Variants in IL1RAPL1 observed in about 807,000 individuals in gnomAD.
IL1RAPL1 encodes interleukin-1 receptor accessory protein-like 1.
In IL1RAPL1, 3 loss-of-function variants were observed where a neutral mutation model predicts 48.4. The ratio of observed to expected loss-of-function variants is 0.06; its 90% confidence interval spans 0.03 to 0.16. IL1RAPL1 has a LOEUF of 0.16. IL1RAPL1 is among the 10% of genes least tolerant of loss of function. The pLI, the probability that IL1RAPL1 is intolerant of heterozygous loss-of-function variation, is 1.00. For missense variants in IL1RAPL1, 349 were observed against 530.6 expected (o/e 0.66, Z 3.36); for synonymous variants, 185 against 187.7 (o/e 0.99, Z 0.12).
chrX:29,254,012 T>C (rs899260481), intron 2 of IL1RAPL1, among the ~76,000 whole-genome samples: 14 of 111,305 alleles, frequency 1.3e-4, no homozygotes, highest in African/African-American at 4.6e-4. Context: ...AAAAGGTAAA[T>C]CAGTAAGTGG....
At chrX:28,812,661 A>G (rs954855407) in intron 2 of IL1RAPL1, among the ~76,000 whole-genome samples, 13 of 111,640 alleles carry the variant, frequency 1.2e-4, no homozygotes, top group African/African-American at 4.2e-4. Flanking sequence ...TTTAATATAT[A>G]TAAATGAATG....
At chrX:29,554,480 CTT>C (rs766036938) in intron 5 of IL1RAPL1, among the ~76,000 whole-genome samples, 1 of 111,110 alleles carries the variant, frequency 9.0e-6, no homozygotes, top group East Asian at 2.8e-4. Context: ...TTTTTTCAAA[CTT>C]TGTAATTTTC....
intron 3 of IL1RAPL1, among the ~76,000 whole-genome samples, chrX:29,320,661 A>T (rs1364185876): frequency 1.8e-5 from 2 of 109,617 alleles, no homozygotes; most frequent in African/African-American, 6.6e-5. Flanking sequence ...CCTCAAAAAA[A>T]TTACTGAGGC....
intron 5 of IL1RAPL1, among the ~76,000 whole-genome samples, chrX:29,618,684 A>G (rs994743509): frequency 1.8e-5 from 2 of 111,488 alleles, no homozygotes; most frequent in Non-Finnish European, 3.8e-5. Context: ...GCCCACCTAT[A>G]TAATCCAGGA....
rs1374305112 is a variant in IL1RAPL1 at position 29,905,807 on chromosome X, GAAGA to G, written c.779-11655_779-11652del. ...TATAGTCGTGACTCCCACACAGATG[GAAGA>G]ATGAATACATGTTAAAAAATTTTTT... is the stretch of plus-strand genomic sequence containing the variant. On this transcript the variant is annotated intron_variant, in intron 6 of 10. Transcript: ENST00000378993. 2.7e-5 allele frequency among the ~76,000 whole-genome samples: 3 copies of G among 111,429 alleles called. No individual in the cohort carries two copies. In the Admixed American group the frequency reaches 2.9e-4, roughly 11 times the overall value.
At chrX:29,222,530 A>C (rs1931002549) in intron 2 of IL1RAPL1, among the ~76,000 whole-genome samples, 1 of 111,939 alleles carries the variant, frequency 8.9e-6, no homozygotes, top group Non-Finnish European at 1.9e-5. Context: ...TGCACTTAGG[A>C]GTTGTTCAGA....
intron 2 of IL1RAPL1, among the ~76,000 whole-genome samples, chrX:29,024,494 C>G (rs780175686): frequency 8.9e-5 from 10 of 111,799 alleles, no homozygotes; most frequent in African/African-American, 3.2e-4. Context: ...CTTAACCACT[C>G]TGTGCCTCAG....
At chrX:29,108,889 T>A (rs1238289097) in intron 2 of IL1RAPL1, among the ~76,000 whole-genome samples, 1 of 111,207 alleles carries the variant, frequency 9.0e-6, no homozygotes, top group East Asian at 2.8e-4. Flanking sequence ...CAATGAAGAT[T>A]CATGAAAAAA....
chrX:29,922,186 G>T (rs1020813550), intron 8 of IL1RAPL1, among the ~76,000 whole-genome samples: 1 of 110,519 alleles, frequency 9.0e-6, no homozygotes, highest in Admixed American at 9.6e-5. Context: ...CCAAGAAGGG[G>T]TCAAAAAACC....
chrX:29,095,881 T>C (rs1312521597), intron 2 of IL1RAPL1, among the ~76,000 whole-genome samples: 1 of 110,728 alleles, frequency 9.0e-6, no homozygotes, highest in East Asian at 2.8e-4. Context: ...GCTTTGTTTT[T>C]AATGGCAATA....
chrX:29,535,171 C>A (rs1243079296), intron 5 of IL1RAPL1, among the ~76,000 whole-genome samples: 1 of 103,683 alleles, frequency 9.6e-6, no homozygotes, highest in Non-Finnish European at 1.9e-5. Context: ...AATTAACTCC[C>A]TTTATTCCTA....
chrX:29,157,659 C>T (rs559447181), intron 2 of IL1RAPL1, among the ~76,000 whole-genome samples: 1 of 106,492 alleles, frequency 9.4e-6, no homozygotes, highest in Admixed American at 1.0e-4. Context: ...TGATCTGAAT[C>T]CTAAATACTC....
chrX:29,693,314 G>A (rs1601781911), intron 6 of IL1RAPL1, among the ~76,000 whole-genome samples: 1 of 112,155 alleles, frequency 8.9e-6, no homozygotes, highest in Admixed American at 9.4e-5. Context: ...AGCTTTTTCA[G>A]GCTTCTAAGT....
chrX:29,199,918 C>A (rs1930521195), intron 2 of IL1RAPL1, among the ~76,000 whole-genome samples: 1 of 111,771 alleles, frequency 8.9e-6, no homozygotes. Context: ...TGATAAAATT[C>A]ACTTATTTAA....
intron 1 of IL1RAPL1, among the ~76,000 whole-genome samples, chrX:28,598,673 G>A (rs1933984183): frequency 9.7e-6 from 1 of 103,623 alleles, no homozygotes; most frequent in Non-Finnish European, 2.0e-5. Flanking sequence ...TTTTTGCCCA[G>A]GCTGGAGTGC....
intron 8 of IL1RAPL1, among the ~76,000 whole-genome samples, chrX:29,936,223 G>A (rs894638102): frequency 9.0e-6 from 1 of 110,758 alleles, no homozygotes; most frequent in Non-Finnish European, 1.9e-5. Flanking sequence ...CTGCTCCAGA[G>A]AAATAAATAT....
intron 2 of IL1RAPL1, among the ~76,000 whole-genome samples, chrX:28,801,591 C>T (rs1936677114): frequency 8.9e-6 from 1 of 111,887 alleles, no homozygotes. Context: ...CAGTGATGAT[C>T]ACAAAAATTA....
At chrX:28,594,299 A>G (rs2146875100) in intron 1 of IL1RAPL1, among the ~76,000 whole-genome samples, 1 of 112,204 alleles carries the variant, frequency 8.9e-6, no homozygotes, top group East Asian at 2.8e-4. Context: ...CTGAGGATGT[A>G]CATTTAGAGT....
At chrX:29,229,797 C>G (rs1546884) in intron 2 of IL1RAPL1, among the ~76,000 whole-genome samples, 43,456 of 111,290 alleles carry the variant, frequency 0.39, 8,176 homozygotes, top group Non-Finnish European at 0.58. Flanking sequence ...GCCACCCTTT[C>G]TTATGCTTTC....
Sources: gnomAD v4.1 joint callset for allele counts (sites outside exome capture counted in the v4.1 genomes callset) on GRCh38, gnomAD v4.1.1 for gene constraint, MANE v1.5 for transcripts, NCBI Gene and HGNC (gene_info 2026-07-23, HGNC 2026-07-21) for gene names.